Variants in GRM7 observed in about 807,000 individuals in gnomAD.
GRM7 encodes the protein metabotropic glutamate receptor 7.
In GRM7, 35 loss-of-function variants were observed where a neutral mutation model predicts 84.5. That is an observed-to-expected ratio of 0.41 (90% CI 0.32 to 0.55). The LOEUF is 0.55. Ranked by LOEUF, GRM7 falls within the 20% of genes least tolerant of loss-of-function variation. The pLI, the probability that GRM7 is intolerant of heterozygous loss-of-function variation, is 0.19. For synonymous variants in GRM7, 487 were observed against 455.1 expected (o/e 1.07, Z -0.89); for missense variants, 1,003 against 1,194.6 (o/e 0.84, Z 2.36).
rs1330727486 is a variant in GRM7 at position 6,958,095 on chromosome 3, G to GTGTA, written c.519+96189_519+96190insGTAT. Among the ~76,000 whole-genome samples, 7 of 151,552 alleles carry GTGTA rather than the reference G, an allele frequency of 4.6e-5. No homozygotes were observed. The South Asian group carries it at 1.5e-3, about 32-fold the overall frequency. On this transcript the variant is annotated intron_variant, in intron 1 of 9. Coordinates refer to ENST00000357716, the MANE Select transcript of GRM7 (RefSeq NM_000844.4). ...TGTATATATGTGTGTGTGTGTGTGT[G>GTGTA]TATATATATATACCCACTAGCCATC...
At chr3:7,378,281 C>G (rs1243135413) in intron 4 of GRM7, among the ~76,000 whole-genome samples, 1 of 152,026 alleles carries the variant, frequency 6.6e-6, no homozygotes, top group Non-Finnish European at 1.5e-5. Context: ...AGGTCTGAGT[C>G]TGAAATTTGA....
At chr3:6,864,063 G>GA (rs776834780) in intron 1 of GRM7, among the ~76,000 whole-genome samples, 2 of 152,316 alleles carry the variant, frequency 1.3e-5, no homozygotes, top group Admixed American at 6.5e-5. Flanking sequence ...GAGCTGAGGA[G>GA]AAAGTAACCC....
At chr3:7,249,431 C>G (rs958249739) in intron 2 of GRM7, among the ~76,000 whole-genome samples, 3 of 152,088 alleles carry the variant, frequency 2.0e-5, no homozygotes, top group Non-Finnish European at 4.4e-5. Context: ...GAAGATTTCT[C>G]TGTATTACTT....
chr3:7,629,433 C>T (rs1697767382), intron 8 of GRM7, among the ~76,000 whole-genome samples: 1 of 152,168 alleles, frequency 6.6e-6, no homozygotes, highest in Non-Finnish European at 1.5e-5. Flanking sequence ...GCTGCCTTCT[C>T]ACTATGTCCT....
At chr3:7,348,780 A>G (rs1352099909) in intron 4 of GRM7, among the ~76,000 whole-genome samples, 5 of 152,218 alleles carry the variant, frequency 3.3e-5, no homozygotes, top group African/African-American at 7.2e-5. Context: ...GGGCCTGGCA[A>G]TCTGTGTTTG....
chr3:7,730,493 G>C (rs763582975), intron 9 of GRM7, among the ~76,000 whole-genome samples: 6 of 152,176 alleles, frequency 3.9e-5, no homozygotes, highest in Non-Finnish European at 5.9e-5. Flanking sequence ...AACTGTTCGA[G>C]GATATGGACT....
chr3:7,112,197 ATAAT>A, intron 1 of GRM7, among the ~76,000 whole-genome samples: 1 of 151,402 alleles, frequency 6.6e-6, no homozygotes, highest in African/African-American at 2.4e-5. Context: ...TTTTTCCTTA[ATAAT>A]TAGTCTATTG....
At chr3:7,493,619 T>G (rs1028274004) in intron 7 of GRM7, among the ~76,000 whole-genome samples, 3 of 152,026 alleles carry the variant, frequency 2.0e-5, no homozygotes, top group African/African-American at 7.2e-5. Flanking sequence ...GTCATATTTT[T>G]TATCCATTTT....
chr3:7,669,096 C>T (rs1699821903), intron 8 of GRM7, among the ~76,000 whole-genome samples: 2 of 152,232 alleles, frequency 1.3e-5, no homozygotes, highest in South Asian at 2.1e-4. Flanking sequence ...TTCTATTGCA[C>T]TTGTCATATC....
intron 5 of GRM7, among the ~76,000 whole-genome samples, chr3:7,421,629 T>C (rs712776): frequency 0.74 from 112,045 of 151,516 alleles, 41,869 homozygotes; most frequent in African/African-American, 0.83. Flanking sequence ...GAATCCATCT[T>C]CAGGAATGCA....
At chr3:7,226,493 C>G (rs1405067920) in intron 2 of GRM7, among the ~76,000 whole-genome samples, 1 of 152,080 alleles carries the variant, frequency 6.6e-6, no homozygotes, top group Admixed American at 6.6e-5. Flanking sequence ...AGAAGCGTCT[C>G]GAACTCCAGT....
chr3:7,065,959 T>C (rs1453588075), intron 1 of GRM7, among the ~76,000 whole-genome samples: 1 of 151,716 alleles, frequency 6.6e-6, no homozygotes, highest in Non-Finnish European at 1.5e-5. Flanking sequence ...AGATGGAAAT[T>C]AAAACATTCT....
intron 8 of GRM7, among the ~76,000 whole-genome samples, chr3:7,665,168 CTTTTT>C (rs34966790): frequency 9.8e-6 from 1 of 102,526 alleles, no homozygotes; most frequent in African/African-American, 4.0e-5. Flanking sequence ...GCCCATGATT[CTTTTT>C]TTTTTTTTTT....
chr3:6,905,102 C>T lies in GRM7; in HGVS notation c.519+43195C>T, dbSNP rs544624355. ...ACTGCCTTAGTTGTCTGGAGAACTTCATTCTTCCAGAATTAATTTCAAAAT... is the reference window on the plus strand; with the variant it reads ...ACTGCCTTAGTTGTCTGGAGAACTTTATTCTTCCAGAATTAATTTCAAAAT... On this transcript the variant is annotated intron_variant, in intron 1 of 9. Coordinates refer to ENST00000357716, the MANE Select transcript of GRM7 (RefSeq NM_000844.4). Among the ~76,000 whole-genome samples, 15 of 152,230 alleles carry T rather than the reference C, an allele frequency of 9.9e-5. 2 individuals carry two copies. In the South Asian group the frequency reaches 3.1e-3, roughly 32 times the overall value.
chr3:7,252,996 A>G (rs1437863430), intron 2 of GRM7, among the ~76,000 whole-genome samples: 4 of 139,504 alleles, frequency 2.9e-5, no homozygotes, highest in Non-Finnish European at 4.6e-5. Context: ...GGCCAATACC[A>G]ATTTCTGGCT....
At chr3:6,979,346 C>T (rs946947915) in intron 1 of GRM7, among the ~76,000 whole-genome samples, 2 of 152,088 alleles carry the variant, frequency 1.3e-5, no homozygotes, top group Non-Finnish European at 2.9e-5. Context: ...GTCTTTCTGC[C>T]GATTGGTAGG....
At chr3:6,889,394 G>C (rs1574973746) in intron 1 of GRM7, among the ~76,000 whole-genome samples, 1 of 151,974 alleles carries the variant, frequency 6.6e-6, no homozygotes, top group Non-Finnish European at 1.5e-5. Context: ...TTATTATTTT[G>C]AGATACATCC....
At chr3:7,346,757 T>G (rs1692912835) in intron 4 of GRM7, among the ~76,000 whole-genome samples, 1 of 152,118 alleles carries the variant, frequency 6.6e-6, no homozygotes, top group African/African-American at 2.4e-5. Flanking sequence ...TAAAAAATAT[T>G]TTACCAATTC....
chr3:7,737,136 A>G (rs1702529982), intron 9 of GRM7, among the ~76,000 whole-genome samples: 2 of 152,208 alleles, frequency 1.3e-5, no homozygotes, highest in Admixed American at 1.3e-4. Context: ...AAGCAAAGAT[A>G]AAGTAAGAAG....
Sources: gnomAD v4.1 joint callset for allele counts (sites outside exome capture counted in the v4.1 genomes callset) on GRCh38, gnomAD v4.1.1 for gene constraint, MANE v1.5 for transcripts, NCBI Gene and HGNC (gene_info 2026-07-23, HGNC 2026-07-21) for gene names.